Variants in SOX5 observed in about 807,000 individuals in gnomAD.
SOX5 encodes transcription factor SOX-5.
In SOX5, 9 loss-of-function variants were observed where a neutral mutation model predicts 92.0. The ratio of observed to expected loss-of-function variants is 0.10; its 90% confidence interval spans 0.06 to 0.17. SOX5 has a LOEUF of 0.17. Ranked by LOEUF, SOX5 falls within the 10% of genes least tolerant of loss-of-function variation. The probability of loss-of-function intolerance (pLI) is 1.00; values close to 1 mark genes in which losing one functional copy is unlikely to be tolerated. For missense variants in SOX5, 642 were observed against 944.5 expected (o/e 0.68, Z 4.20); for synonymous variants, 344 against 336.3 (o/e 1.02, Z -0.25).
chr12:23,645,861 G>T (rs2080773829), intron 7 of SOX5, among the ~76,000 whole-genome samples: 1 of 152,128 alleles, frequency 6.6e-6, no homozygotes, highest in South Asian at 2.1e-4. Context: ...GATATTGTAA[G>T]TTTGAATCCA....
At chr12:23,760,616 C>G (rs959928055) in intron 3 of SOX5, among the ~76,000 whole-genome samples, 25 of 151,756 alleles carry the variant, frequency 1.6e-4, no homozygotes, top group African/African-American at 5.8e-4. Flanking sequence ...GTGAATGGCC[C>G]CCCCCAACTG....
At chr12:23,604,267 C>G in intron 9 of SOX5, 120 bp downstream of exon 9, 1 of 1,011,656 alleles carries the variant, frequency 9.9e-7, no homozygotes, top group East Asian at 2.5e-5. Context: ...TTACTTGATT[C>G]TTACCTCCTT....
chr12:24,279,052 TTA>T (rs1166601241), intron 2 of SOX5, among the ~76,000 whole-genome samples: 1 of 152,084 alleles, frequency 6.6e-6, no homozygotes, highest in East Asian at 1.9e-4. Context: ...GCTTGTATTT[TTA>T]TATTTTTATT....
intron 2 of SOX5, among the ~76,000 whole-genome samples, chr12:24,359,329 G>A (rs1018149637): frequency 3.9e-5 from 6 of 152,270 alleles, no homozygotes; most frequent in South Asian, 4.2e-4. Flanking sequence ...GTTAAGGCTG[G>A]GTGAGGGCCT....
At chr12:23,843,738 A>T (rs1192551612) in intron 3 of SOX5, among the ~76,000 whole-genome samples, 1 of 151,178 alleles carries the variant, frequency 6.6e-6, no homozygotes, top group Non-Finnish European at 1.5e-5. Context: ...TAATTTTTGT[A>T]TTTTTAGTAG....
At chr12:24,379,056 G>A (rs1191754422) in intron 1 of SOX5, among the ~76,000 whole-genome samples, 2 of 152,130 alleles carry the variant, frequency 1.3e-5, no homozygotes, top group Admixed American at 6.6e-5. Context: ...ATTGGAACAC[G>A]GCTCCACAAT....
intron 2 of SOX5, among the ~76,000 whole-genome samples, chr12:23,861,459 G>A (rs1256740596): frequency 3.3e-5 from 5 of 152,108 alleles, no homozygotes; most frequent in Admixed American, 2.0e-4. Context: ...ATCCTATGGA[G>A]TATAAAGAGG....
chr12:24,466,380 G>C (rs1944239676), intron 1 of SOX5, among the ~76,000 whole-genome samples: 1 of 152,034 alleles, frequency 6.6e-6, no homozygotes, highest in Middle Eastern at 3.4e-3. Flanking sequence ...CAAAGTGCTG[G>C]GATTATAGAC....
chr12:24,007,820 CACAT>C (rs1259840353), intron 4 of SOX5, among the ~76,000 whole-genome samples: 2,825 of 31,492 alleles, frequency 0.09, 68 homozygotes, highest in Middle Eastern at 0.26. Flanking sequence ...CACACACACA[CACAT>C]ATATATATAT....
chr12:24,080,259 C>A (rs570552602), intron 4 of SOX5, among the ~76,000 whole-genome samples: 27 of 151,962 alleles, frequency 1.8e-4, no homozygotes, highest in African/African-American at 5.8e-4. Flanking sequence ...CTACATGACA[C>A]AAAAACATGT....
intron 1 of SOX5, among the ~76,000 whole-genome samples, chr12:24,537,500 G>A (rs778325109): frequency 1.3e-5 from 2 of 152,240 alleles, no homozygotes; most frequent in South Asian, 2.1e-4. Context: ...GTTGAATCCC[G>A]TCAACTGCAG....
intron 12 of SOX5, among the ~76,000 whole-genome samples, 163 bp downstream of exon 12, chr12:23,546,153 T>G (rs1256488884): frequency 6.6e-6 from 1 of 152,164 alleles, no homozygotes; most frequent in African/African-American, 2.4e-5. Flanking sequence ...TGCAAAGCAC[T>G]CAGCAGAGTG....
intron 3 of SOX5, among the ~76,000 whole-genome samples, chr12:23,838,845 G>GTTT (rs1555375010): frequency 3.2e-4 from 22 of 69,804 alleles, no homozygotes; most frequent in Non-Finnish European, 4.6e-4. Flanking sequence ...TTTTTTTTTG[G>GTTT]GGGGGGGGGG....
intron 2 of SOX5, among the ~76,000 whole-genome samples, chr12:23,861,485 A>G (rs1430173128): frequency 6.6e-6 from 1 of 152,134 alleles, no homozygotes; most frequent in East Asian, 1.9e-4. Context: ...AATAATTTTG[A>G]ATTTTGGACA....
intron 4 of SOX5, among the ~76,000 whole-genome samples, chr12:23,979,913 C>CAAA (rs1555459467): frequency 8.1e-6 from 1 of 124,182 alleles, no homozygotes; most frequent in African/African-American, 3.1e-5. Flanking sequence ...GGCTGGCTGG[C>CAAA]CAGACAGACA....
chr12:23,845,860 A>G, intron 3 of SOX5, 123 bp downstream of exon 3: 1 of 753,796 alleles, frequency 1.3e-6, no homozygotes, highest in Non-Finnish European at 2.2e-6. Context: ...CTTCATAGCA[A>G]TAGGTTTCCA....
rs2083455698 is a variant in SOX5, at chr12:23,664,183, T to G, written c.931+1261A>C. Among the ~76,000 whole-genome samples, 3 of 152,124 alleles carry G rather than the reference T, an allele frequency of 2.0e-5. No individual in the cohort carries two copies. In the South Asian group the frequency reaches 6.2e-4, roughly 31 times the overall value. On this transcript the variant is annotated intron_variant, in intron 7 of 14. Coordinates refer to ENST00000451604, the MANE Select transcript of SOX5 (RefSeq NM_006940.6). ...AGATTTAAAGACGAGAAATAAATGT[T>G]GAAATCCCCAATGTGAGAATTTAAA... is the stretch of plus-strand genomic sequence containing the variant.
At chr12:24,360,769 T>C (rs1194472650) in intron 2 of SOX5, among the ~76,000 whole-genome samples, 1 of 152,158 alleles carries the variant, frequency 6.6e-6, no homozygotes, top group African/African-American at 2.4e-5. Context: ...CCAGACTGAG[T>C]GATACACATG....
chr12:24,385,461 A>G (rs960894002), intron 1 of SOX5, among the ~76,000 whole-genome samples: 2 of 152,204 alleles, frequency 1.3e-5, no homozygotes, highest in African/African-American at 2.4e-5. Flanking sequence ...TGGGTTTATC[A>G]GGACATAACC....
Sources: allele counts gnomAD v4.1 joint callset (sites outside exome capture counted in the v4.1 genomes callset), GRCh38; gene constraint gnomAD v4.1.1; transcripts MANE v1.5; gene names NCBI Gene and HGNC (gene_info 2026-07-23, HGNC 2026-07-21).